The following DHRS9 variants were observed in gnomAD, a reference collection of about 807,000 sequenced individuals.
DHRS9 encodes the protein dehydrogenase/reductase SDR family member 9.
In DHRS9, 18 loss-of-function variants were observed where a neutral mutation model predicts 26.6. The observed-to-expected ratio is 0.68, with a 90% CI of 0.47 to 1.00. The LOEUF is 1.00. DHRS9 is among the 50% of genes least tolerant of loss of function. DHRS9 has a pLI of 0.00. For missense variants in DHRS9, 425 were observed against 378.7 expected, an observed-to-expected ratio of 1.12 and a Z score of -1.01; for synonymous variants, 134 against 141.1, an observed-to-expected ratio of 0.95 and a Z score of 0.36.
At chr2:169,070,379 T>C (rs1313441737) in intron 1 of DHRS9, 2 of 985,304 alleles carry the variant, frequency 2.0e-6, no homozygotes, top group Non-Finnish European at 1.2e-6. Context: ...CCTTTCGCAA[T>C]GACTTGATGT....
intron 3 of DHRS9, among the ~76,000 whole-genome samples, chr2:169,089,213 A>G (rs1396224942): frequency 6.6e-6 from 1 of 152,208 alleles, no homozygotes; most frequent in Non-Finnish European, 1.5e-5. Flanking sequence ...TCTTCAGAGG[A>G]CTGAAGGGAC....
upstream of DHRS9, chr2:169,067,247 CA>C (rs1558947243): frequency 6.5e-7 from 1 of 1,535,500 alleles, no homozygotes. Flanking sequence ...AAGTTGGACC[CA>C]CCACAGCCTG....
In DHRS9 at chr2:169,096,012, C is replaced by T. The variant is rs1236512692; in HGVS notation, c.*245C>T. 3.8e-6 allele frequency: 2 copies of T among 530,806 alleles called. No homozygotes were observed. Among genetic ancestry groups the T allele is most frequent in the African/African-American group, 1.9e-5 (1 of 52,828 alleles). 32.9% of individuals were successfully genotyped at this position (530,806 alleles called of 1,614,324 possible). On this transcript the variant is annotated 3_prime_UTR_variant, in exon 5 of 5. Coordinates refer to ENST00000674881, the MANE Select transcript of DHRS9 (RefSeq NM_001376924.1). ...AGTCCTGCCCTGTATTTAGGCTTTGCCTGCTTGGTGTGATGTAAGGGAAAT... is the reference window on the plus strand; with the variant it reads ...AGTCCTGCCCTGTATTTAGGCTTTGTCTGCTTGGTGTGATGTAAGGGAAAT...
At chr2:169,074,499 C>T (rs1415304340) in intron 1 of DHRS9, 32 of 968,146 alleles carry the variant, frequency 3.3e-5, no homozygotes, top group Non-Finnish European at 3.7e-5. Context: ...TTGTTGGGAC[C>T]AAGGGGCCGT....
chr2:169,074,454 C>T, intron 1 of DHRS9: 1 of 985,410 alleles, frequency 1.0e-6, no homozygotes, highest in Non-Finnish European at 1.2e-6. Flanking sequence ...AAGCAAACAA[C>T]TCAAGCAACC....
chr2:169,083,135 G>A (rs1013438140), intron 2 of DHRS9, among the ~76,000 whole-genome samples, 194 bp from the exon 3 acceptor site: 12 of 152,128 alleles, frequency 7.9e-5, no homozygotes, highest in Admixed American at 2.0e-4. Flanking sequence ...GAGTAACAGC[G>A]AGAACTTGAA....
At chr2:169,081,356 T>C (rs1374866948) in intron 1 of DHRS9, among the ~76,000 whole-genome samples, 167 bp from the exon 2 acceptor site, 3 of 152,232 alleles carry the variant, frequency 2.0e-5, no homozygotes, top group Non-Finnish European at 4.4e-5. Context: ...GAACGATTTA[T>C]CATTTAGATG....
At chr2:169,078,716 A>C (rs1346125314) in intron 1 of DHRS9, among the ~76,000 whole-genome samples, 2 of 152,118 alleles carry the variant, frequency 1.3e-5, no homozygotes, top group Non-Finnish European at 2.9e-5. Flanking sequence ...TAATCTAAAA[A>C]GTTGACTACT....
At chr2:169,067,082 A>G, upstream of DHRS9, 1 of 1,522,644 alleles carries the variant, frequency 6.6e-7, no homozygotes, top group Non-Finnish European at 8.8e-7. Context: ...TCTTCATAGC[A>G]GCTTATAGTC....
intron 1 of DHRS9, among the ~76,000 whole-genome samples, chr2:169,077,159 GGTT>G (rs1348894087): frequency 6.6e-6 from 1 of 152,128 alleles, no homozygotes; most frequent in Non-Finnish European, 1.5e-5. Flanking sequence ...GAAATAATAG[GGTT>G]GTCTGTTTTC....
At chr2:169,083,832 G>A (rs967780795) in intron 3 of DHRS9, among the ~76,000 whole-genome samples, 1 of 151,838 alleles carries the variant, frequency 6.6e-6, no homozygotes, top group African/African-American at 2.4e-5. Flanking sequence ...TCCTTTCTTT[G>A]TGTTACAAAA....
rs1558952650 is a variant in DHRS9, at chr2:169,081,905, T to C, written c.313+11T>C. The C allele has an allele frequency of 6.3e-7, 1 of 1,592,902 alleles. No homozygotes were observed. The highest frequency in any genetic ancestry group is 8.6e-7 in the Non-Finnish European group (1 of 1,168,468). ...AAGTTGGGGAGAAAGGTGAGAGACA[T>C]GGAAGTGGGTAGGATGGGACAGGGA... On this transcript the variant is annotated intron_variant, in intron 2 of 4. Transcript: ENST00000674881.
chr2:169,072,305 G>A (rs1683831782), intron 1 of DHRS9, among the ~76,000 whole-genome samples: 1 of 152,128 alleles, frequency 6.6e-6, no homozygotes, highest in South Asian at 2.1e-4. Flanking sequence ...AGTAAATAAA[G>A]ATTCTACAAA....
chr2:169,089,106 G>T (rs572519336), intron 3 of DHRS9, among the ~76,000 whole-genome samples: 4 of 152,260 alleles, frequency 2.6e-5, no homozygotes, highest in African/African-American at 9.6e-5. Flanking sequence ...TGGGTAAAAG[G>T]CAGAGAGTAT....
chr2:169,074,139 T>C, intron 1 of DHRS9: 3 of 333,022 alleles, frequency 9.0e-6, no homozygotes, highest in Non-Finnish European at 1.3e-5. Flanking sequence ...GACTGCCTCA[T>C]AAAGTGAAAG....
In DHRS9 at chr2:169,081,690, T is replaced by G. The variant is rs1684190641; in HGVS notation, c.109T>G (p.Cys37Gly). 7 of 1,614,212 alleles carry G rather than the reference T, an allele frequency of 4.3e-6. No individual in the cohort carries two copies. Among genetic ancestry groups the G allele is most frequent in the Non-Finnish European group, 5.9e-6 (7 of 1,180,032 alleles). The change falls in exon 2 of 5, where the codon TGT (cysteine) becomes GGT (glycine). Residue 37 changes from cysteine (C) to glycine (G), a missense_variant. Coordinates refer to ENST00000674881, the MANE Select transcript of DHRS9 (RefSeq NM_001376924.1). ...TGATAAGTACATTTTTATCACTGGA[T>G]GTGACTCGGGCTTTGGAAACTTGGC... ...ITDKYIFITG[C>G]DSGFGNLAAR...
chr2:169,072,807 T>C (rs1455465870), intron 1 of DHRS9: 1 of 248,598 alleles, frequency 4.0e-6, no homozygotes, highest in Non-Finnish European at 6.4e-6. Context: ...TTCATCTCTT[T>C]GCAGTTCTTC....
chr2:169,087,042 A>G (rs1043381404), intron 3 of DHRS9, among the ~76,000 whole-genome samples: 1 of 152,128 alleles, frequency 6.6e-6, no homozygotes, highest in Non-Finnish European at 1.5e-5. Flanking sequence ...AGCCAATAAG[A>G]CTTGTGTCCT....
intron 1 of DHRS9, among the ~76,000 whole-genome samples, chr2:169,072,271 G>A (rs1426117303): frequency 6.6e-6 from 1 of 151,998 alleles, no homozygotes; most frequent in African/African-American, 2.4e-5. Context: ...GATTCAACTT[G>A]GGCCACAATT....
Sources: gnomAD v4.1 joint callset for allele counts (sites outside exome capture counted in the v4.1 genomes callset) on GRCh38, gnomAD v4.1.1 for gene constraint, MANE v1.5 for transcripts, NCBI Gene and HGNC (gene_info 2026-07-23, HGNC 2026-07-21) for gene names.